Variants in RAD51B observed in about 807,000 individuals in gnomAD.
The protein encoded by RAD51B is RAD51 paralog B.
A neutral mutation model predicts 42.2 loss-of-function variants in RAD51B; 38 were observed. That is an observed-to-expected ratio of 0.90 (90% CI 0.70 to 1.18). The LOEUF is 1.18. RAD51B is among the 50% of genes most tolerant of loss of function. The pLI is 0.00. For synonymous variants in RAD51B, 154 were observed against 145.2 expected, an observed-to-expected ratio of 1.06 and a Z score of -0.43; for missense variants, 373 against 400.7, an observed-to-expected ratio of 0.93 and a Z score of 0.59.
intron 9 of RAD51B, among the ~76,000 whole-genome samples, chr14:68,435,493 T>TG (rs1491118170): frequency 4.0e-4 from 22 of 55,594 alleles, no homozygotes; most frequent in African/African-American, 1.1e-3. Context: ...TGGTTTTTGG[T>TG]TTTTTTTTTT....
chr14:68,566,417 A>G (rs1344339568), intron 10 of RAD51B, among the ~76,000 whole-genome samples: 1 of 152,226 alleles, frequency 6.6e-6, no homozygotes, highest in Non-Finnish European at 1.5e-5. Context: ...GTCAAGGCCA[A>G]ATTTCAAACA....
At chr14:68,651,901 A>G (rs1363283658) in intron 11 of RAD51B, among the ~76,000 whole-genome samples, 1 of 152,074 alleles carries the variant, frequency 6.6e-6, no homozygotes, top group African/African-American at 2.4e-5. Context: ...ATCATCCCGG[A>G]ACCGTCTTGG....
At chr14:68,118,294 T>A (rs1219501307) in intron 7 of RAD51B, among the ~76,000 whole-genome samples, 3 of 152,190 alleles carry the variant, frequency 2.0e-5, no homozygotes, top group Admixed American at 6.6e-5. Context: ...TAGACATCAT[T>A]TAAATTTCTC....
intron 7 of RAD51B, among the ~76,000 whole-genome samples, chr14:67,908,127 G>A (rs1346842754): frequency 6.6e-6 from 1 of 152,136 alleles, no homozygotes; most frequent in African/African-American, 2.4e-5. Flanking sequence ...TGTCATGGTT[G>A]TCAACTTTGA....
intron 10 of RAD51B, chr14:68,562,727 T>G (rs1370600383): frequency 1.3e-5 from 13 of 985,258 alleles, no homozygotes; most frequent in Non-Finnish European, 1.4e-5. Flanking sequence ...CCACAGCTAT[T>G]CATCCCCCTG....
chr14:68,167,990 G>A (rs963197669), intron 7 of RAD51B, among the ~76,000 whole-genome samples: 6 of 151,962 alleles, frequency 3.9e-5, no homozygotes, highest in African/African-American at 1.5e-4. Context: ...AGAATAACTC[G>A]CTATTCTTTT....
intron 7 of RAD51B, among the ~76,000 whole-genome samples, chr14:68,279,813 C>T (rs1203936427): frequency 6.6e-6 from 1 of 152,052 alleles, no homozygotes; most frequent in Admixed American, 6.5e-5. Context: ...CATTTGAAAA[C>T]ACAGATACTA....
chr14:68,659,891 T>C (rs1403621663), intron 11 of RAD51B, among the ~76,000 whole-genome samples: 5 of 152,212 alleles, frequency 3.3e-5, no homozygotes, highest in Non-Finnish European at 7.3e-5. Flanking sequence ...ACACCTGCAA[T>C]GGGCATTAGG....
At chr14:68,066,404 A>G (rs2076650951) in intron 7 of RAD51B, among the ~76,000 whole-genome samples, 1 of 152,192 alleles carries the variant, frequency 6.6e-6, no homozygotes, top group Non-Finnish European at 1.5e-5. Context: ...AATTTTCATA[A>G]TAAGAAAAGC....
At chr14:67,948,705 G>A (rs2074381164) in intron 7 of RAD51B, among the ~76,000 whole-genome samples, 1 of 152,088 alleles carries the variant, frequency 6.6e-6, no homozygotes, top group Admixed American at 6.5e-5. Context: ...GCTGAGGCAG[G>A]CAGATCACAA....
intron 11 of RAD51B, among the ~76,000 whole-genome samples, chr14:68,660,350 G>C (rs955247079): frequency 6.6e-6 from 1 of 152,230 alleles, no homozygotes; most frequent in African/African-American, 2.4e-5. Context: ...AAATATGCTG[G>C]TTGAATGAAT....
At chr14:67,881,678 T>A (rs1281099970) in intron 5 of RAD51B, among the ~76,000 whole-genome samples, 1 of 151,532 alleles carries the variant, frequency 6.6e-6, no homozygotes, top group Non-Finnish European at 1.5e-5. Flanking sequence ...TTGTGTTTGT[T>A]TCCTTTCTCT....
intron 7 of RAD51B, among the ~76,000 whole-genome samples, chr14:67,964,720 C>A (rs1566981561): frequency 1.3e-5 from 2 of 151,894 alleles, no homozygotes; most frequent in Non-Finnish European, 2.9e-5. Flanking sequence ...GGTTCCTGAA[C>A]AAGAAAGAGA....
At chr14:68,448,747 G>A (rs536743943) in intron 9 of RAD51B, among the ~76,000 whole-genome samples, 5 of 152,256 alleles carry the variant, frequency 3.3e-5, no homozygotes, top group African/African-American at 9.6e-5. Context: ...TGGTGACACC[G>A]AATTGCATAT....
At chr14:68,660,688 C>T (rs952577307) in intron 11 of RAD51B, among the ~76,000 whole-genome samples, 23 of 152,168 alleles carry the variant, frequency 1.5e-4, no homozygotes, top group African/African-American at 5.3e-4. Context: ...TGAGACCAGT[C>T]CTTGACAGTC....
intron 7 of RAD51B, among the ~76,000 whole-genome samples, chr14:68,289,653 G>T (rs1451600234): frequency 6.6e-6 from 1 of 151,932 alleles, no homozygotes; most frequent in Non-Finnish European, 1.5e-5. Flanking sequence ...GGCAGAGGTT[G>T]CAGTGAGCTG....
Position 68,384,009 on chromosome 14 carries a change from G to A in RAD51B, c.854-27415G>A, listed in dbSNP as rs1333539189. ...TGGGTAGGGAAGCTTGGGAGTGTGG[G>A]TGCAAGTGGGAGTACACTTTCCACT... On this transcript the variant is annotated intron_variant, in intron 8 of 10. Transcript: ENST00000471583. 2.0e-5 allele frequency among the ~76,000 whole-genome samples: 3 copies of A among 152,324 alleles called. No individual in the cohort carries two copies. The East Asian group carries it at 5.8e-4, about 29-fold the overall frequency.
chr14:67,944,422 T>C (rs1404776936), intron 7 of RAD51B, among the ~76,000 whole-genome samples: 1 of 152,140 alleles, frequency 6.6e-6, no homozygotes, highest in Non-Finnish European at 1.5e-5. Context: ...ATATTTTTGC[T>C]CCTAGCTTTT....
exon 11 of RAD51B, chr14:68,594,707 G>A (rs1168575275): frequency 7.9e-7 from 1 of 1,263,750 alleles, no homozygotes; most frequent in Non-Finnish European, 1.0e-6. Context: ...AGGATTACAA[G>A]TATGAGACTT....
Sources: gnomAD v4.1 joint callset for allele counts (sites outside exome capture counted in the v4.1 genomes callset) on GRCh38, gnomAD v4.1.1 for gene constraint, MANE v1.5 for transcripts, NCBI Gene and HGNC (gene_info 2026-07-23, HGNC 2026-07-21) for gene names.